The following PAWR variants were observed in gnomAD, a reference collection of about 807,000 sequenced individuals.
PAWR encodes pro-apoptotic WT1 regulator.
Under a neutral mutation model 32.0 loss-of-function variants are expected in PAWR, and 23 were observed. The observed-to-expected ratio is 0.72, with a 90% CI of 0.52 to 1.02. The LOEUF (loss-of-function observed/expected upper bound fraction) is 1.02, where lower values mean the gene tolerates loss of function less well. PAWR is among the 50% of genes least tolerant of loss of function. The probability of loss-of-function intolerance (pLI) is 0.00; values close to 1 mark genes in which losing one functional copy is unlikely to be tolerated. For missense variants in PAWR, 457 were observed against 437.7 expected, an observed-to-expected ratio of 1.04 and a Z score of -0.39; for synonymous variants, 226 against 187.1, an observed-to-expected ratio of 1.21 and a Z score of -1.70.
chr12:79,658,099 G>A (rs1199522766), intron 2 of PAWR, among the ~76,000 whole-genome samples: 1 of 152,122 alleles, frequency 6.6e-6, no homozygotes, highest in African/African-American at 2.4e-5. Flanking sequence ...AAAAATTTGT[G>A]TCACTTTACC....
intron 2 of PAWR, among the ~76,000 whole-genome samples, chr12:79,639,607 T>C (rs889753594): frequency 6.6e-6 from 1 of 152,186 alleles, no homozygotes; most frequent in East Asian, 1.9e-4. Context: ...CCTTTACCCA[T>C]ATATTCCTCT....
intron 4 of PAWR, chr12:79,603,731 G>A (rs1874056325): frequency 7.4e-6 from 1 of 135,986 alleles, no homozygotes; most frequent in African/African-American, 2.8e-5. Context: ...AGGCTGGAGT[G>A]CAATGCCACT....
chr12:79,615,874 T>C (rs540428227), intron 3 of PAWR, among the ~76,000 whole-genome samples: 1 of 151,746 alleles, frequency 6.6e-6, no homozygotes, highest in Non-Finnish European at 1.5e-5. Context: ...CTAGGCAACA[T>C]GGTGAAACTC....
intron 2 of PAWR, among the ~76,000 whole-genome samples, chr12:79,649,825 C>T (rs1025410537): frequency 5.3e-5 from 8 of 152,146 alleles, no homozygotes; most frequent in African/African-American, 1.9e-4. Flanking sequence ...ATCAGCAGTC[C>T]TCAACCTTTC....
intron 2 of PAWR, among the ~76,000 whole-genome samples, chr12:79,638,058 A>C (rs1234597405): frequency 6.6e-6 from 1 of 152,002 alleles, no homozygotes; most frequent in Non-Finnish European, 1.5e-5. Context: ...ATAGCCTTTC[A>C]CGTAAATTTT....
intron 3 of PAWR, among the ~76,000 whole-genome samples, chr12:79,614,823 G>A (rs1438617264): frequency 2.0e-5 from 3 of 152,148 alleles, no homozygotes; most frequent in Non-Finnish European, 4.4e-5. Context: ...GCAATGTGGG[G>A]AACCAGTACA....
chr12:79,638,478 A>G (rs1265556262), intron 2 of PAWR, among the ~76,000 whole-genome samples: 3 of 152,038 alleles, frequency 2.0e-5, no homozygotes, highest in Non-Finnish European at 4.4e-5. Context: ...TGGTTCTATA[A>G]AAGAAAGTTT....
chr12:79,634,306 A>G (rs1471302594), intron 2 of PAWR, among the ~76,000 whole-genome samples: 4 of 152,144 alleles, frequency 2.6e-5, no homozygotes, highest in South Asian at 2.1e-4. Flanking sequence ...TTAAAAAAAT[A>G]ATCTTCTGTA....
chr12:79,587,040 T>G lies in PAWR; in HGVS notation c.*5567A>C, dbSNP rs1294038013. On this transcript the variant is annotated 3_prime_UTR_variant, in exon 7 of 7. Transcript: ENST00000328827. ...TATGTGGGTAGTTTACAGCTGCTGA[T>G]AGAATTGTGTGCACGCGTGCATGCA... 1 of 152,096 alleles carries G rather than the reference T, an allele frequency of 6.6e-6. No homozygotes were observed. The highest frequency in any genetic ancestry group is 2.4e-5 in the African/African-American group (1 of 41,422). 9.4% of individuals were successfully genotyped at this position (152,096 alleles called of 1,614,324 possible).
chr12:79,670,775 C>T (rs968151931), intron 2 of PAWR, among the ~76,000 whole-genome samples: 4 of 152,008 alleles, frequency 2.6e-5, no homozygotes, highest in Admixed American at 1.3e-4. Flanking sequence ...TTTAAGTGTA[C>T]TTCAAGATTT....
At chr12:79,642,915 GA>G (rs8176836) in intron 2 of PAWR, among the ~76,000 whole-genome samples, 1,680 of 152,080 alleles carry the variant, frequency 0.011, 41 homozygotes, top group African/African-American at 0.038. Context: ...ACAACTCAAA[GA>G]AAAAACAAAA....
At chr12:79,625,397 C>T (rs1875239652) in intron 2 of PAWR, among the ~76,000 whole-genome samples, 1 of 151,998 alleles carries the variant, frequency 6.6e-6, no homozygotes, top group South Asian at 2.1e-4. Context: ...TATAAACACA[C>T]AGATGCAAGC....
At chr12:79,655,203 A>G (rs1877039944) in intron 2 of PAWR, among the ~76,000 whole-genome samples, 1 of 152,212 alleles carries the variant, frequency 6.6e-6, no homozygotes, top group Non-Finnish European at 1.5e-5. Flanking sequence ...TCTGCAGCTT[A>G]ACAAGAGCCT....
chr12:79,658,533 C>T (rs1336382658), intron 2 of PAWR, among the ~76,000 whole-genome samples: 1 of 152,070 alleles, frequency 6.6e-6, no homozygotes, highest in Non-Finnish European at 1.5e-5. Context: ...ATCATCAGTA[C>T]ACATAAGAAT....
intron 3 of PAWR, among the ~76,000 whole-genome samples, chr12:79,614,268 C>T (rs866926563): frequency 1.1e-4 from 17 of 151,546 alleles, no homozygotes; most frequent in Middle Eastern, 3.4e-3. Context: ...CCTCAGCCTC[C>T]CAAAGTGCTG....
At chr12:79,681,772 A>G (rs1878460131) in intron 2 of PAWR, among the ~76,000 whole-genome samples, 1 of 152,216 alleles carries the variant, frequency 6.6e-6, no homozygotes, top group Non-Finnish European at 1.5e-5. Flanking sequence ...ACTTTTGCTT[A>G]CATTATAGGA....
chr12:79,690,256 G>A lies in PAWR; in HGVS notation c.-12C>T, dbSNP rs1038806471. On this transcript the variant is annotated 5_prime_UTR_variant, in exon 2 of 7. Coordinates refer to ENST00000328827, the MANE Select transcript of PAWR (RefSeq NM_002583.4). The stretch of plus-strand genomic sequence containing the variant: ...CCACCGGTCGCCATATTCCCAAAGG[G>A]GCCGGTCGGGCTCTCACCTCAGGCC... 2.0e-5 allele frequency: 30 copies of A among 1,491,282 alleles called. No individual in the cohort carries two copies. Among genetic ancestry groups the A allele is most frequent in the Non-Finnish European group, 2.3e-5 (26 of 1,125,138 alleles). The allele number at this position is 1,491,282 out of a possible 1,614,324, so 92.4% of individuals were successfully genotyped here.
chr12:79,596,814 A>G (rs1294074247), intron 4 of PAWR, 156 bp from the exon 5 acceptor site: 1 of 519,522 alleles, frequency 1.9e-6, no homozygotes, highest in African/African-American at 2.0e-5. Context: ...CATTATTCCC[A>G]CACAATGAAA....
chr12:79,662,487 G>A (rs1440704568), intron 2 of PAWR, among the ~76,000 whole-genome samples: 1 of 152,124 alleles, frequency 6.6e-6, no homozygotes, highest in Admixed American at 6.5e-5. Flanking sequence ...TTTACTGTAT[G>A]AGGAAATCTA....
Sources: allele counts gnomAD v4.1 joint callset (sites outside exome capture counted in the v4.1 genomes callset), GRCh38; gene constraint gnomAD v4.1.1; transcripts MANE v1.5; gene names NCBI Gene and HGNC (gene_info 2026-07-23, HGNC 2026-07-21).